The following EPHB1 variants were observed in gnomAD, a reference collection of about 807,000 sequenced individuals.
EPHB1 encodes the protein EPH receptor B1, also known as ephrin type-B receptor 1.
Under a neutral mutation model 94.4 loss-of-function variants are expected in EPHB1, and 30 were observed. The ratio of observed to expected loss-of-function variants is 0.32; its 90% CI spans 0.24 to 0.43. EPHB1 has a LOEUF of 0.43. Ranked by LOEUF, EPHB1 falls within the 20% of genes least tolerant of loss-of-function variation. The pLI is 1.00. For synonymous variants in EPHB1, 522 were observed against 489.1 expected, an observed-to-expected ratio of 1.07 and a Z score of -0.89; for missense variants, 1,055 against 1,308.3, an observed-to-expected ratio of 0.81 and a Z score of 2.99.
chr3:135,225,768 A>T (rs1355068781), intron 12 of EPHB1, among the ~76,000 whole-genome samples: 1 of 151,670 alleles, frequency 6.6e-6, no homozygotes, highest in African/African-American at 2.4e-5. Flanking sequence ...GGGGAAACTG[A>T]GGTGACTCTG....
intron 10 of EPHB1, among the ~76,000 whole-genome samples, chr3:135,192,174 G>A (rs918811485): frequency 3.3e-5 from 5 of 152,160 alleles, no homozygotes; most frequent in Non-Finnish European, 4.4e-5. Flanking sequence ...ACCTGAACAT[G>A]TCTCCTATCC....
At chr3:135,070,050 A>C (rs1576360750) in intron 3 of EPHB1, among the ~76,000 whole-genome samples, 1 of 152,278 alleles carries the variant, frequency 6.6e-6, no homozygotes, top group Admixed American at 6.5e-5. Context: ...ACAGTGTTTA[A>C]CTGTGGAAGA....
At chr3:134,962,966 A>G (rs995814251) in intron 3 of EPHB1, among the ~76,000 whole-genome samples, 1 of 152,148 alleles carries the variant, frequency 6.6e-6, no homozygotes, top group Non-Finnish European at 1.5e-5. Flanking sequence ...GTGTTGGCTC[A>G]GCTCTGGGCT....
chr3:135,005,031 C>T (rs552751038), intron 3 of EPHB1, among the ~76,000 whole-genome samples: 11 of 152,324 alleles, frequency 7.2e-5, no homozygotes, highest in African/African-American at 1.2e-4. Context: ...GGAGGAGAGG[C>T]GCTCTGCTTT....
chr3:135,085,961 C>T (rs1938346223), intron 3 of EPHB1, among the ~76,000 whole-genome samples: 2 of 152,126 alleles, frequency 1.3e-5, no homozygotes, highest in Non-Finnish European at 1.5e-5. Flanking sequence ...AGTGCAGCCC[C>T]TGATTAAGAG....
At chr3:135,035,574 C>G (rs146738744) in intron 3 of EPHB1, among the ~76,000 whole-genome samples, 238 of 152,244 alleles carry the variant, frequency 1.6e-3, no homozygotes, top group African/African-American at 5.4e-3. Context: ...TGAAATCTAG[C>G]GTGTTCTGTT....
At chr3:135,135,749 G>C (rs891875288) in intron 5 of EPHB1, among the ~76,000 whole-genome samples, 2 of 152,194 alleles carry the variant, frequency 1.3e-5, no homozygotes, top group Non-Finnish European at 2.9e-5. Context: ...GGCAGGCAAA[G>C]AATTTGACCA....
chr3:135,008,167 T>G (rs1006104576), intron 3 of EPHB1, among the ~76,000 whole-genome samples: 4 of 152,158 alleles, frequency 2.6e-5, no homozygotes, highest in African/African-American at 9.7e-5. Flanking sequence ...GCTTGGTACA[T>G]GGAACAGAAA....
chr3:135,091,229 G>A (rs75914944), intron 3 of EPHB1, among the ~76,000 whole-genome samples: 1 of 152,180 alleles, frequency 6.6e-6, no homozygotes, highest in African/African-American at 2.4e-5. Flanking sequence ...GGATGGGGGT[G>A]GGGGTGAGCT....
chr3:135,172,030 G>GAT (rs1193373907), intron 9 of EPHB1, among the ~76,000 whole-genome samples: 5 of 152,210 alleles, frequency 3.3e-5, no homozygotes, highest in Admixed American at 1.3e-4. Context: ...CAGAAAAGGT[G>GAT]ATATATAAAC....
chr3:135,075,637 T>C (rs1446931738), intron 3 of EPHB1, among the ~76,000 whole-genome samples: 1 of 152,140 alleles, frequency 6.6e-6, no homozygotes, highest in Non-Finnish European at 1.5e-5. Context: ...TGTGGTGGCT[T>C]ATATGGCATC....
At chr3:135,252,308 G>T (rs1933149568) in intron 15 of EPHB1, among the ~76,000 whole-genome samples, 1 of 150,270 alleles carries the variant, frequency 6.7e-6, no homozygotes, top group Non-Finnish European at 1.5e-5. Context: ...CTGGTGCGCT[G>T]CACCCACTAA....
chr3:135,055,870 C>G (rs1408374289), intron 3 of EPHB1, among the ~76,000 whole-genome samples: 2 of 152,148 alleles, frequency 1.3e-5, no homozygotes, highest in Non-Finnish European at 2.9e-5. Flanking sequence ...TAGGAAGGCT[C>G]TTTCCTACTC....
chr3:135,024,815 T>G (rs2107756242), intron 3 of EPHB1, among the ~76,000 whole-genome samples: 1 of 152,320 alleles, frequency 6.6e-6, no homozygotes, highest in South Asian at 2.1e-4. Flanking sequence ...ATTATATGCT[T>G]AATGTGCTTT....
intron 1 of EPHB1, among the ~76,000 whole-genome samples, chr3:134,899,221 TTCA>T (rs765863465): frequency 6.6e-6 from 1 of 152,128 alleles, no homozygotes; most frequent in Admixed American, 6.5e-5. Context: ...ATGCATGAAG[TTCA>T]TCATCATCAT....
intron 3 of EPHB1, among the ~76,000 whole-genome samples, chr3:135,087,542 G>T (rs1938402028): frequency 6.6e-6 from 1 of 152,154 alleles, no homozygotes; most frequent in Non-Finnish European, 1.5e-5. Flanking sequence ...CCTTTATGCT[G>T]ATGGGCAGCA....
intron 1 of EPHB1, among the ~76,000 whole-genome samples, chr3:134,842,355 T>C (rs992503126): frequency 5.9e-5 from 9 of 152,144 alleles, no homozygotes; most frequent in African/African-American, 1.7e-4. Flanking sequence ...ATAAAGACAG[T>C]TGGGCTCCTA....
At chr3:134,885,166 G>A (rs911446574) in intron 1 of EPHB1, among the ~76,000 whole-genome samples, 1 of 152,210 alleles carries the variant, frequency 6.6e-6, no homozygotes, top group African/African-American at 2.4e-5. Flanking sequence ...TCTGAGATGA[G>A]AAATGTACTG....
chr3:134,982,657 C>G (rs1276416942), intron 3 of EPHB1, among the ~76,000 whole-genome samples: 1 of 152,112 alleles, frequency 6.6e-6, no homozygotes, highest in Non-Finnish European at 1.5e-5. Context: ...CCTCACTCGG[C>G]TGCTAAAAAG....
Sources: allele counts gnomAD v4.1 joint callset (sites outside exome capture counted in the v4.1 genomes callset), GRCh38; gene constraint gnomAD v4.1.1; transcripts MANE v1.5; gene names NCBI Gene and HGNC (gene_info 2026-07-23, HGNC 2026-07-21).